FCRL2: variants seen among roughly 807,000 people sequenced by gnomAD.
FCRL2 encodes the protein Fc receptor like 2, also known as Fc receptor-like protein 2.
A neutral mutation model predicts 59.8 loss-of-function variants in FCRL2; 48 were observed. The ratio of observed to expected loss-of-function variants is 0.80; its 90% CI spans 0.64 to 1.02. The LOEUF is 1.02. Among genes scored for constraint, FCRL2 ranks in the 50% least tolerant of loss-of-function variants. The pLI, the probability that FCRL2 is intolerant of heterozygous loss-of-function variation, is 0.00. For missense variants in FCRL2, 658 were observed against 597.3 expected, an observed-to-expected ratio of 1.10 and a Z score of -1.06; for synonymous variants, 251 against 229.5, an observed-to-expected ratio of 1.09 and a Z score of -0.85.
At chr1:157,749,890 C>T (rs1323316877) in intron 7 of FCRL2, among the ~76,000 whole-genome samples, 2 of 152,034 alleles carry the variant, frequency 1.3e-5, no homozygotes, top group East Asian at 3.9e-4. Context: ...TTTAAAATGC[C>T]ACTTCAAATG....
rs1185433951 is a variant in FCRL2, at chr1:157,767,427, C to CCT, written c.965_966insAG (p.Ala323GlyfsTer3). The CCT allele has an allele frequency of 2.5e-6, 4 of 1,614,128 alleles. No individual in the cohort carries two copies. In the South Asian group the frequency reaches 4.4e-5, roughly 18 times the overall value. ...AGATTGGGGGAGAGCCTCTCAGGGC[C>CCT]TCACAGTGAAGCTCCAGCAGGTCCC... On this transcript the variant is annotated frameshift_variant, in exon 6 of 12. Coordinates refer to ENST00000361516, the MANE Select transcript of FCRL2 (RefSeq NM_030764.4). LOFTEE classifies it high-confidence loss of function.
rs1254182148 is a variant in FCRL2 at position 157,768,531 on chromosome 1, G to A, written c.766C>T (p.Leu256=). ...GCTGGGATCTCCAGCTCTGCTGACAGGGAACGCTGGGTTTTCTTTCCCATA... is the reference window on the plus strand; with the variant it reads ...GCTGGGATCTCCAGCTCTGCTGACAAGGAACGCTGGGTTTTCTTTCCCATA... ...TSMGKKTQRS[L]SAELEIPAVK... The change falls in exon 5 of 12, where the codon CTG becomes TTG. Residue 256 remains leucine, a synonymous_variant. Coordinates refer to ENST00000361516, the MANE Select transcript of FCRL2 (RefSeq NM_030764.4). 1 of 1,614,100 alleles carries A rather than the reference G, an allele frequency of 6.2e-7. No individual in the cohort carries two copies. The highest frequency in any genetic ancestry group is 2.2e-5 in the East Asian group (1 of 44,894).
intron 10 of FCRL2, among the ~76,000 whole-genome samples, chr1:157,747,295 C>G (rs567572035): frequency 6.6e-6 from 1 of 152,064 alleles, no homozygotes; most frequent in Non-Finnish European, 1.5e-5. Context: ...GCATAGATAA[C>G]AGAAGACAGA....
intron 7 of FCRL2, among the ~76,000 whole-genome samples, chr1:157,765,165 G>T (rs1315445937): frequency 6.6e-6 from 1 of 152,126 alleles, no homozygotes; most frequent in Non-Finnish European, 1.5e-5. Context: ...GATCATCAGA[G>T]ATTATTACAA....
intron 7 of FCRL2, among the ~76,000 whole-genome samples, chr1:157,752,232 G>C (rs989915450): frequency 6.6e-6 from 1 of 152,210 alleles, no homozygotes; most frequent in African/African-American, 2.4e-5. Flanking sequence ...GTACCCAGTG[G>C]GAGGTAACTG....
At chr1:157,766,822 C>A (rs777628519) in intron 7 of FCRL2, 33 bp downstream of exon 7, 18 of 1,613,568 alleles carry the variant, frequency 1.1e-5, no homozygotes, top group African/African-American at 2.7e-5. Context: ...AAGGTCATAG[C>A]AAAATATGGA....
At chr1:157,763,394 G>A (rs1033589499) in intron 7 of FCRL2, among the ~76,000 whole-genome samples, 15 of 151,744 alleles carry the variant, frequency 9.9e-5, no homozygotes, top group South Asian at 2.1e-4. Flanking sequence ...GCATGGTGGC[G>A]GGTGCCTGTA....
At chr1:157,772,822 T>C (rs190177372) in intron 2 of FCRL2, among the ~76,000 whole-genome samples, 2 of 152,364 alleles carry the variant, frequency 1.3e-5, no homozygotes, top group East Asian at 1.9e-4. Context: ...ACTGAAAGCA[T>C]ATCTAGCTAT....
intron 7 of FCRL2, among the ~76,000 whole-genome samples, chr1:157,763,885 C>T (rs1342613338): frequency 3.9e-5 from 6 of 152,174 alleles, no homozygotes. Flanking sequence ...AAAAAATTAG[C>T]CAGGCAGGGT....
intron 7 of FCRL2, among the ~76,000 whole-genome samples, chr1:157,761,606 C>T (rs917471393): frequency 6.6e-6 from 1 of 152,078 alleles, no homozygotes. Flanking sequence ...AAGACCTTGT[C>T]TCCCCCAAAA....
intron 7 of FCRL2, among the ~76,000 whole-genome samples, chr1:157,764,519 C>A (rs757372787): frequency 6.6e-6 from 1 of 152,182 alleles, no homozygotes; most frequent in African/African-American, 2.4e-5. Context: ...CTACAGAATA[C>A]GCATTTTTCT....
chr1:157,757,306 G>A (rs1160799292), intron 7 of FCRL2, among the ~76,000 whole-genome samples: 1 of 152,128 alleles, frequency 6.6e-6, no homozygotes, highest in Non-Finnish European at 1.5e-5. Flanking sequence ...GTTGGAAATG[G>A]AACCTTTACA....
chr1:157,760,654 AGAAGGAAGGAAG>A lies in FCRL2; in HGVS notation c.1279+6189_1279+6200del, dbSNP rs796961253. 3.8e-4 allele frequency among the ~76,000 whole-genome samples: 49 copies of A among 129,642 alleles called. No homozygotes were observed. The East Asian group carries it at 0.011, about 28-fold the overall frequency. 85.1% of individuals were successfully genotyped at this position (129,642 alleles called of 152,430 possible). On this transcript the variant is annotated intron_variant, in intron 7 of 11. Coordinates refer to ENST00000361516, the MANE Select transcript of FCRL2 (RefSeq NM_030764.4). ...AGAAAGAAAGAAAAGAAAGAAAGAA[AGAAGGAAGGAAG>A]GAAGGAAGGAAGGAAAGAAAGAAAG...
At chr1:157,747,113 C>T (rs16839020) in intron 10 of FCRL2, among the ~76,000 whole-genome samples, 4,886 of 152,292 alleles carry the variant, frequency 0.032, 247 homozygotes, top group African/African-American at 0.11. Context: ...ACTAACAAAG[C>T]GCTTCCTTTC....
chr1:157,770,096 C>T lies in FCRL2; in HGVS notation c.365G>A (p.Gly122Asp). The T allele has an allele frequency of 1.2e-6, 2 of 1,614,176 alleles. No individual in the cohort carries two copies. The highest frequency in any genetic ancestry group is 1.7e-6 in the Non-Finnish European group (2 of 1,180,030). ...TASSFQPIEGGPVSLKCETRL... is the reference protein window; with the variant it reads ...TASSFQPIEGDPVSLKCETRL... ...GGTCTCACATTTCAGGCTCACTGGA[C>T]CCCCTTCGATGGGCTGGAAGGAGCT... Residue 122 changes from glycine (G) to aspartate (D), a missense_variant, in exon 4 of 12, where the codon GGT becomes GAT. Gly to Asp is a moderately conservative substitution (Grantham distance 94). Coordinates refer to ENST00000361516, the MANE Select transcript of FCRL2 (RefSeq NM_030764.4).
chr1:157,756,748 CA>C (rs1648621003), intron 7 of FCRL2, among the ~76,000 whole-genome samples: 1 of 150,880 alleles, frequency 6.6e-6, no homozygotes, highest in African/African-American at 2.4e-5. Context: ...ACTTCTGAAG[CA>C]GCCTAATTTT....
intron 2 of FCRL2, among the ~76,000 whole-genome samples, chr1:157,771,524 A>G (rs1431689174): frequency 2.0e-5 from 3 of 152,208 alleles, no homozygotes; most frequent in Admixed American, 6.5e-5. Flanking sequence ...AATTTTTCTC[A>G]TCCATTCAGT....
At chr1:157,759,185 G>A (rs746278213) in intron 7 of FCRL2, among the ~76,000 whole-genome samples, 1 of 152,174 alleles carries the variant, frequency 6.6e-6, no homozygotes, top group Non-Finnish European at 1.5e-5. Context: ...GCTACCCTGT[G>A]AAGAAGGACA....
chr1:157,760,711 G>A (rs6427400), intron 7 of FCRL2, among the ~76,000 whole-genome samples: 4 of 58,034 alleles, frequency 6.9e-5, no homozygotes, highest in African/African-American at 2.6e-4. Flanking sequence ...AAGAAAGAAA[G>A]AAAGAAAGAA....
Sources: allele counts gnomAD v4.1 joint callset (sites outside exome capture counted in the v4.1 genomes callset), GRCh38; gene constraint gnomAD v4.1.1; transcripts MANE v1.5; gene names NCBI Gene and HGNC (gene_info 2026-07-23, HGNC 2026-07-21).